CGGBP1: variants seen among roughly 807,000 people sequenced by gnomAD.
CGGBP1 encodes CGG triplet repeat binding protein 1, also known as CGG triplet repeat-binding protein 1.
In CGGBP1, 4 loss-of-function variants were observed where a neutral mutation model predicts 11.4. The observed-to-expected ratio is 0.35, with a 90% confidence interval of 0.17 to 0.80. The LOEUF (loss-of-function observed/expected upper bound fraction) is 0.80, where lower values mean the gene tolerates loss of function less well. CGGBP1 is among the 30% of genes least tolerant of loss of function. The pLI is 0.52. For missense variants in CGGBP1, 135 were observed against 202.1 expected (o/e 0.67, Z 2.01); for synonymous variants, 76 against 74.1 (o/e 1.03, Z -0.13).
intron 3 of CGGBP1, 129 bp downstream of exon 3, chr3:88,057,057 AAAGTG>A (rs1333080628): frequency 6.6e-6 from 1 of 152,192 alleles, no homozygotes; most frequent in African/African-American, 2.4e-5. Flanking sequence ...TTAAGAAGTT[AAAGTG>A]AATTTGATAA....
At position 88,071,196 on chromosome 3, in the gene CGGBP1, T is replaced by C. The variant is rs569342511; in HGVS notation, c.-228-12973A>G. Among the ~76,000 whole-genome samples the C allele has an allele frequency of 8.2e-4, 125 of 152,324 alleles. 1 individual carries two copies. The highest frequency in any genetic ancestry group is 2.8e-3 in the African/African-American group (118 of 41,572). On this transcript the variant is annotated intron_variant, in intron 2 of 3. Transcript: ENST00000462901. ...TGATTTTATTTAAAAAGTAAGAAAT[T>C]ATTATCTCGTTTCTTAAAAACTTCT...
upstream of CGGBP1, among the ~76,000 whole-genome samples, chr3:88,062,837 CAGAT>C (rs1316269183): frequency 2.0e-5 from 3 of 152,134 alleles, no homozygotes; most frequent in Admixed American, 6.5e-5. Context: ...ACGTAGCACA[CAGAT>C]AGACTTAAAT....
upstream of CGGBP1, among the ~76,000 whole-genome samples, chr3:88,062,939 G>C (rs760074277): frequency 3.9e-5 from 6 of 152,240 alleles, no homozygotes; most frequent in Middle Eastern, 3.4e-3. Context: ...CTTATAATTT[G>C]TGTTTCGCAG....
At chr3:88,109,056 A>AT (rs1465169906) in intron 2 of CGGBP1, among the ~76,000 whole-genome samples, 1 of 151,790 alleles carries the variant, frequency 6.6e-6, no homozygotes, top group Non-Finnish European at 1.5e-5. Flanking sequence ...ATTGATGAAA[A>AT]TTGGGTTAGG....
chr3:88,067,977 A>G (rs1319603100), intron 2 of CGGBP1, among the ~76,000 whole-genome samples: 2 of 152,140 alleles, frequency 1.3e-5, no homozygotes, highest in Non-Finnish European at 2.9e-5. Flanking sequence ...AATCTACAAA[A>G]GAAGGGATTA....
intron 2 of CGGBP1, among the ~76,000 whole-genome samples, chr3:88,089,613 A>G (rs1708530679): frequency 6.6e-6 from 1 of 152,206 alleles, no homozygotes; most frequent in Non-Finnish European, 1.5e-5. Flanking sequence ...AATGTCATCT[A>G]GAAACTGTTT....
chr3:88,122,752 G>A (rs1371135033), intron 2 of CGGBP1, among the ~76,000 whole-genome samples: 2 of 152,020 alleles, frequency 1.3e-5, no homozygotes, highest in South Asian at 2.1e-4. Context: ...GCTCATACCT[G>A]TAATCCCAGC....
intron 2 of CGGBP1, among the ~76,000 whole-genome samples, chr3:88,077,629 C>T (rs1707883599): frequency 6.6e-6 from 1 of 152,094 alleles, no homozygotes; most frequent in African/African-American, 2.4e-5. Context: ...TATACTGCTT[C>T]TGAGATAGGG....
At chr3:88,103,372 T>C (rs941301310) in intron 2 of CGGBP1, among the ~76,000 whole-genome samples, 2 of 152,204 alleles carry the variant, frequency 1.3e-5, no homozygotes, top group African/African-American at 2.4e-5. Flanking sequence ...TCAGATTCTT[T>C]AGTAGACTTA....
intron 2 of CGGBP1, among the ~76,000 whole-genome samples, chr3:88,119,802 A>T (rs1705661047): frequency 6.6e-6 from 1 of 152,130 alleles, no homozygotes; most frequent in Admixed American, 6.5e-5. Flanking sequence ...TTCATTACTT[A>T]TTTTAAAATG....
intron 1 of CGGBP1, among the ~76,000 whole-genome samples, chr3:88,145,629 A>G (rs1183055235): frequency 6.6e-6 from 1 of 152,202 alleles, no homozygotes; most frequent in Non-Finnish European, 1.5e-5. Flanking sequence ...ATAGCATAAT[A>G]TCTGTACTGA....
Position 88,052,916 on chromosome 3 carries a change from G to T in CGGBP1, c.*2557C>A, listed in dbSNP as rs931971394. ...AGGAAATATTTACTGTAAGCATATTGTGAAATTCTGGAAGACATACTATCA... is the reference window on the plus strand; with the variant it reads ...AGGAAATATTTACTGTAAGCATATTTTGAAATTCTGGAAGACATACTATCA... On this transcript the variant is annotated 3_prime_UTR_variant, in exon 4 of 4. Coordinates refer to ENST00000482016, the MANE Select transcript of CGGBP1 (RefSeq NM_001008390.2). 7.9e-5 allele frequency: 12 copies of T among 152,606 alleles called. No homozygotes were observed. Among genetic ancestry groups the T allele is most frequent in the African/African-American group, 2.4e-4 (10 of 41,464 alleles). 9.5% of individuals were successfully genotyped at this position (152,606 alleles called of 1,614,324 possible).
At chr3:88,099,434 T>C (rs892235013) in intron 2 of CGGBP1, among the ~76,000 whole-genome samples, 14 of 152,178 alleles carry the variant, frequency 9.2e-5, no homozygotes, top group Non-Finnish European at 1.9e-4. Context: ...GCCATTCCCA[T>C]CAAGCTACCA....
intron 2 of CGGBP1, chr3:88,139,665 A>G (rs368256659): frequency 1.5e-5 from 24 of 1,609,740 alleles, no homozygotes; most frequent in South Asian, 9.9e-5. Flanking sequence ...TGAAATTCCC[A>G]TAAGTGTACC....
At chr3:88,126,217 A>G in intron 2 of CGGBP1, 1 of 1,530,932 alleles carries the variant, frequency 6.5e-7, no homozygotes, top group Admixed American at 2.0e-5. Flanking sequence ...GCCCATGGGA[A>G]GATCCAGTGT....
chr3:88,148,109 T>C (rs148330308), intron 1 of CGGBP1, among the ~76,000 whole-genome samples: 160 of 152,364 alleles, frequency 1.1e-3, no homozygotes, highest in Non-Finnish European at 2.0e-3. Flanking sequence ...TCACTCACTT[T>C]CTTCTGATCT....
chr3:88,140,352 A>C (rs1441083452), intron 2 of CGGBP1: 1 of 1,613,364 alleles, frequency 6.2e-7, no homozygotes, highest in Non-Finnish European at 8.5e-7. Flanking sequence ...CTCAAATCCT[A>C]ATCAGGAAAA....
At chr3:88,099,892 A>G (rs1704303440) in intron 2 of CGGBP1, among the ~76,000 whole-genome samples, 1 of 152,234 alleles carries the variant, frequency 6.6e-6, no homozygotes, top group Admixed American at 6.5e-5. Flanking sequence ...CGTAGGCAAT[A>G]CCATTGAGGA....
chr3:88,083,036 C>CTCCTCACTCCTCCTCCCTCT (rs1211024391), intron 2 of CGGBP1, among the ~76,000 whole-genome samples: 1 of 151,758 alleles, frequency 6.6e-6, no homozygotes, highest in Admixed American at 6.6e-5. Flanking sequence ...CTCCTCACTC[C>CTCCTCACTCCTCCTCCCTCT]TCCTCACTCC....
Sources: allele counts gnomAD v4.1 joint callset (sites outside exome capture counted in the v4.1 genomes callset), GRCh38; gene constraint gnomAD v4.1.1; transcripts MANE v1.5; gene names NCBI Gene and HGNC (gene_info 2026-07-23, HGNC 2026-07-21).